Variants in COL4A5 observed in about 807,000 individuals in gnomAD.
COL4A5 encodes collagen alpha-5(IV) chain.
COL4A5 carries 26 observed loss-of-function variants against 130.2 expected under a neutral mutation model. That is an observed-to-expected ratio of 0.20 (90% CI 0.15 to 0.28). The LOEUF (loss-of-function observed/expected upper bound fraction) is 0.28. COL4A5 is among the 10% of genes least tolerant of loss of function. The pLI is 1.00. For missense variants in COL4A5, 1,131 were observed against 1,344.3 expected, an observed-to-expected ratio of 0.84 and a Z score of 2.48; for synonymous variants, 496 against 439.6, an observed-to-expected ratio of 1.13 and a Z score of -1.60.
At chrX:108,444,159 C>G (rs2064429285) in intron 1 of COL4A5, among the ~76,000 whole-genome samples, 1 of 110,795 alleles carries the variant, frequency 9.0e-6, no homozygotes, top group South Asian at 3.9e-4. Context: ...CAACATGTCT[C>G]CATCATTTTT....
At chrX:108,561,967 A>G (rs1036062800) in intron 3 of COL4A5, among the ~76,000 whole-genome samples, 1 of 111,956 alleles carries the variant, frequency 8.9e-6, no homozygotes, top group Non-Finnish European at 1.9e-5. Context: ...TGGTGGATGA[A>G]CTACTCAGCT....
chrX:108,612,036 A>G (rs1047460174), intron 29 of COL4A5, among the ~76,000 whole-genome samples: 5 of 111,516 alleles, frequency 4.5e-5, no homozygotes, highest in Non-Finnish European at 9.5e-5. Context: ...CAGAGTAAAG[A>G]AGAAAAACTG....
intron 22 of COL4A5, 79 bp downstream of exon 22, chrX:108,595,680 G>A: frequency 1.2e-6 from 1 of 846,055 alleles, no homozygotes; most frequent in South Asian, 2.4e-5. Context: ...AATGTTACCA[G>A]TTTCTCATTT....
chrX:108,637,363 A>G (rs1448488852), intron 36 of COL4A5, among the ~76,000 whole-genome samples: 2 of 111,739 alleles, frequency 1.8e-5, no homozygotes, highest in South Asian at 3.7e-4. Context: ...TCTCAAATCA[A>G]AAACCTAACT....
At chrX:108,614,619 T>C (rs909554853) in intron 29 of COL4A5, among the ~76,000 whole-genome samples, 2 of 112,121 alleles carry the variant, frequency 1.8e-5, no homozygotes, top group African/African-American at 3.2e-5. Context: ...TTTAAACTTA[T>C]GAATATATAA....
chrX:108,453,855 A>G (rs2064555145), intron 1 of COL4A5, among the ~76,000 whole-genome samples: 1 of 112,107 alleles, frequency 8.9e-6, no homozygotes, highest in Admixed American at 9.5e-5. Flanking sequence ...CGTGGTAGAT[A>G]CAGTTAAAAT....
chrX:108,516,736 T>G lies in COL4A5; in HGVS notation c.82-23010T>G, dbSNP rs1161475824. On this transcript the variant is annotated intron_variant, in intron 1 of 52. Transcript: ENST00000328300. ...ATAACATCCAGAAATAAATTCTAGC[T>G]TAAAATCTGATGATTTTATTATGTT... is the stretch of plus-strand genomic sequence containing the variant. 2.7e-5 allele frequency among the ~76,000 whole-genome samples: 3 copies of G among 112,069 alleles called. No homozygotes were observed. The East Asian group carries it at 8.4e-4, about 31-fold the overall frequency.
chrX:108,591,051 A>C lies in COL4A5; in HGVS notation c.1166-7A>C. On this transcript the variant is annotated splice_polypyrimidine_tract_variant and splice_region_variant and intron_variant, in intron 19 of 52. Coordinates refer to ENST00000328300, the MANE Select transcript of COL4A5 (RefSeq NM_033380.3). ...GAAATCATTTTGATCACTTTTTTGA[A>C]TCTTAGGGGCTGCAGTTATGGGTCC... The C allele has an allele frequency of 8.3e-7, 1 of 1,208,039 alleles. No homozygotes were observed. Among genetic ancestry groups the C allele is most frequent in the Non-Finnish European group, 1.1e-6 (1 of 893,624 alleles).
intron 2 of COL4A5, 46 bp downstream of exon 2, chrX:108,539,851 C>G: frequency 9.9e-7 from 1 of 1,008,287 alleles, no homozygotes; most frequent in Non-Finnish European, 1.4e-6. Flanking sequence ...AGCCAGTAAA[C>G]TAATGGTTTT....
intron 36 of COL4A5, chrX:108,626,824 T>C: frequency 1.3e-6 from 1 of 779,287 alleles, no homozygotes. Context: ...TGTGAAAACT[T>C]TGGTGGTGTT....
At chrX:108,653,481 A>T (rs958801825) in intron 36 of COL4A5, among the ~76,000 whole-genome samples, 2 of 111,110 alleles carry the variant, frequency 1.8e-5, no homozygotes, top group African/African-American at 6.6e-5. Flanking sequence ...TTCGAGAGGG[A>T]TGGAATGGGA....
At chrX:108,542,859 T>A (rs765790621) in intron 2 of COL4A5, among the ~76,000 whole-genome samples, 13,315 of 105,962 alleles carry the variant, frequency 0.13, 997 homozygotes, top group Non-Finnish European at 0.19. Context: ...TGATGGCCAG[T>A]GATGATGAGC....
intron 2 of COL4A5, among the ~76,000 whole-genome samples, 185 bp downstream of exon 2, chrX:108,539,990 T>C (rs1241985188): frequency 8.9e-6 from 1 of 112,262 alleles, no homozygotes; most frequent in African/African-American, 3.2e-5. Flanking sequence ...AAAGATTTTC[T>C]GTAAAAGGCC....
chrX:108,485,506 T>C (rs1429001696), intron 1 of COL4A5, among the ~76,000 whole-genome samples: 1 of 110,696 alleles, frequency 9.0e-6, no homozygotes, highest in African/African-American at 3.3e-5. Context: ...GGGCTACTGG[T>C]TATTTAGTCT....
chrX:108,485,521 G>A (rs957005578), intron 1 of COL4A5, among the ~76,000 whole-genome samples: 16 of 110,759 alleles, frequency 1.4e-4, no homozygotes, highest in African/African-American at 4.9e-4. Context: ...TAGTCTGCAG[G>A]TGATGGATCC....
chrX:108,619,495 T>G (rs1236282068), intron 30 of COL4A5, among the ~76,000 whole-genome samples: 3 of 111,766 alleles, frequency 2.7e-5, no homozygotes, highest in Non-Finnish European at 5.6e-5. Context: ...ATAAACATAC[T>G]CTTTTTTAAC....
chrX:108,473,542 A>C (rs1279929565), intron 1 of COL4A5, among the ~76,000 whole-genome samples: 12 of 101,424 alleles, frequency 1.2e-4, no homozygotes, highest in African/African-American at 4.2e-4. Flanking sequence ...GTTAAACAAT[A>C]AATACAGTAT....
intron 2 of COL4A5, among the ~76,000 whole-genome samples, chrX:108,540,628 T>C (rs891501679): frequency 9.0e-6 from 1 of 110,806 alleles, no homozygotes; most frequent in African/African-American, 3.3e-5. Flanking sequence ...TTTTTGTATT[T>C]TTAGTAGAGA....
rs184182727 is a variant in COL4A5 at position 108,643,846 on chromosome X, G to A, written c.3247-11485G>A. 1.0e-3 allele frequency among the ~76,000 whole-genome samples: 116 copies of A among 111,689 alleles called. 4 individuals are homozygous for A. In the East Asian group the frequency reaches 0.031, roughly 30 times the overall value. On this transcript the variant is annotated intron_variant, in intron 36 of 52. Coordinates refer to ENST00000328300, the MANE Select transcript of COL4A5 (RefSeq NM_033380.3). ...TAAAAACCCCAAAATACCAAGGTACGCAGGCAACAAATAGCATGATGAATG... is the reference window on the plus strand; with the variant it reads ...TAAAAACCCCAAAATACCAAGGTACACAGGCAACAAATAGCATGATGAATG...
Sources: gnomAD v4.1 joint callset for allele counts (sites outside exome capture counted in the v4.1 genomes callset) on GRCh38, gnomAD v4.1.1 for gene constraint, MANE v1.5 for transcripts, NCBI Gene and HGNC (gene_info 2026-07-23, HGNC 2026-07-21) for gene names.